PCNX2: variants seen among roughly 807,000 people sequenced by gnomAD.
PCNX2 encodes pecanex 2.
A neutral mutation model predicts 223.8 loss-of-function variants in PCNX2; 168 were observed. That is an observed-to-expected ratio of 0.75 (90% CI 0.66 to 0.85). The LOEUF (loss-of-function observed/expected upper bound fraction) is 0.85, where lower values mean the gene tolerates loss of function less well. Ranked by LOEUF, PCNX2 falls within the 40% of genes least tolerant of loss-of-function variation. PCNX2 has a pLI of 0.00. For missense variants in PCNX2, 2,507 were observed against 2,675.5 expected (o/e 0.94, Z 1.39); for synonymous variants, 1,006 against 1,052.6 (o/e 0.96, Z 0.86).
intron 15 of PCNX2, among the ~76,000 whole-genome samples, chr1:233,192,723 T>A (rs1680490391): frequency 6.6e-6 from 1 of 152,040 alleles, no homozygotes; most frequent in Admixed American, 6.5e-5. Flanking sequence ...CAAACTGCAA[T>A]TTATCAGTAG....
intron 32 of PCNX2, among the ~76,000 whole-genome samples, chr1:232,992,295 G>A (rs1258604680): frequency 6.6e-6 from 1 of 152,210 alleles, no homozygotes; most frequent in Non-Finnish European, 1.5e-5. Flanking sequence ...CCTGACCACA[G>A]TGAGAAAGTA....
At chr1:233,280,012 T>C (rs974796697) in intron 1 of PCNX2, among the ~76,000 whole-genome samples, 1 of 152,216 alleles carries the variant, frequency 6.6e-6, no homozygotes, top group Non-Finnish European at 1.5e-5. Context: ...ATTGCAGGTA[T>C]GCTTCATCTT....
chr1:233,113,832 T>C (rs1675256525), intron 21 of PCNX2, among the ~76,000 whole-genome samples: 1 of 152,254 alleles, frequency 6.6e-6, no homozygotes, highest in Admixed American at 6.5e-5. Flanking sequence ...CAAACCAGTC[T>C]TTACTCCTGA....
chr1:233,081,538 A>T (rs932123908), intron 23 of PCNX2, among the ~76,000 whole-genome samples: 7 of 152,082 alleles, frequency 4.6e-5, no homozygotes, highest in Admixed American at 1.3e-4. Flanking sequence ...GGGGCCATGG[A>T]GAAGCATCAG....
intron 21 of PCNX2, among the ~76,000 whole-genome samples, chr1:233,101,111 C>G (rs1674464277): frequency 6.6e-6 from 1 of 152,114 alleles, no homozygotes; most frequent in African/African-American, 2.4e-5. Flanking sequence ...TGGAGGTTCA[C>G]AGGGAACCAC....
At chr1:233,082,558 T>C (rs1361608262) in intron 23 of PCNX2, among the ~76,000 whole-genome samples, 2 of 152,180 alleles carry the variant, frequency 1.3e-5, no homozygotes, top group Non-Finnish European at 2.9e-5. Context: ...AGTCAATATA[T>C]GTAAATCCCT....
chr1:233,268,367 T>C (rs956864143), intron 1 of PCNX2, among the ~76,000 whole-genome samples: 3 of 152,146 alleles, frequency 2.0e-5, no homozygotes, highest in Admixed American at 1.3e-4. Context: ...GGATTAGCTA[T>C]AAGTAATGCC....
the PCNX2 span, among the ~76,000 whole-genome samples, chr1:233,313,728 A>G: frequency 9.8e-5 from 15 of 152,304 alleles, no homozygotes; most frequent in Admixed American, 5.2e-4. Flanking sequence ...AAGACCAACC[A>G]AAAATGGACA....
At chr1:233,022,420 T>C (rs1422954613) in intron 26 of PCNX2, among the ~76,000 whole-genome samples, 3 of 152,132 alleles carry the variant, frequency 2.0e-5, no homozygotes, top group Non-Finnish European at 4.4e-5. Flanking sequence ...GGGAGAGGAA[T>C]GCTGGGCATG....
In PCNX2 at chr1:233,139,624, T is replaced by C; in HGVS notation, c.3659+90A>G. On this transcript the variant is annotated intron_variant, in intron 20 of 33. Coordinates refer to ENST00000258229, the MANE Select transcript of PCNX2 (RefSeq NM_014801.4). The surrounding 1 kb of genome is among the most constrained non-coding windows in gnomAD (Gnocchi z 4.4). ...ATGGCCAATCACAGTCGGTAAAGGT[T>C]GGCTTCTTCTGCAGATTGTTTACAG... 1 of 1,424,650 alleles carries C rather than the reference T, an allele frequency of 7.0e-7. No homozygotes were observed. Among genetic ancestry groups the C allele is most frequent in the South Asian group, 1.4e-5 (1 of 72,920 alleles). The allele number at this position is 1,424,650 out of a possible 1,614,324, so 88.3% of individuals were successfully genotyped here. A position where few individuals can be genotyped will look rare whatever the true frequency, so the allele number is the denominator to read the frequency against.
At chr1:233,300,912 A>G in the PCNX2 span, among the ~76,000 whole-genome samples, 3 of 152,128 alleles carry the variant, frequency 2.0e-5, no homozygotes, top group African/African-American at 7.2e-5. Context: ...CTTTTAGTCC[A>G]TGGGCCCCCA....
intron 15 of PCNX2, among the ~76,000 whole-genome samples, chr1:233,180,372 C>G (rs886178203): frequency 6.6e-6 from 1 of 152,180 alleles, no homozygotes; most frequent in African/African-American, 2.4e-5. Flanking sequence ...CCCACACACA[C>G]CTGGTGCTCC....
At chr1:233,212,255 C>T (rs561998395) in intron 12 of PCNX2, among the ~76,000 whole-genome samples, 2 of 152,266 alleles carry the variant, frequency 1.3e-5, no homozygotes, top group East Asian at 3.9e-4. Flanking sequence ...TTATGATCCA[C>T]ACTTTGTATA....
chr1:233,129,445 C>T (rs1054502223), intron 21 of PCNX2, among the ~76,000 whole-genome samples: 3 of 152,226 alleles, frequency 2.0e-5, no homozygotes, highest in Admixed American at 1.3e-4. Context: ...AAGAGCGCTG[C>T]CCCCTTGCTC....
intron 25 of PCNX2, among the ~76,000 whole-genome samples, chr1:233,051,067 G>GA (rs959473632): frequency 2.0e-5 from 3 of 151,922 alleles, no homozygotes; most frequent in African/African-American, 7.2e-5. Flanking sequence ...ACTAACACAT[G>GA]AAAAAAATGC....
chr1:233,229,546 T>C (rs982369583), intron 9 of PCNX2, among the ~76,000 whole-genome samples: 3 of 152,168 alleles, frequency 2.0e-5, no homozygotes, highest in African/African-American at 7.2e-5. Context: ...CAGGAGCCCA[T>C]GGTTTACTGT....
Position 233,199,012 on chromosome 1 carries a change from G to C in PCNX2, c.2993C>G (p.Ser998Trp). 6.3e-7 allele frequency: 1 copy of C among 1,598,104 alleles called. No individual in the cohort carries two copies. The highest frequency in any genetic ancestry group is 8.5e-7 in the Non-Finnish European group (1 of 1,172,748). The change falls in exon 15 of 34, where the codon TCG (serine) becomes TGG (tryptophan). Residue 998 changes from serine (S) to tryptophan (W), a missense_variant. Physicochemically the swap from Ser to Trp is radical, Grantham distance 177. This residue lies in a region of PCNX2 where 1,372 missense variants were observed against 1,509.4 expected (regional missense o/e 0.91). Coordinates refer to ENST00000258229, the MANE Select transcript of PCNX2 (RefSeq NM_014801.4). ...GCTCCGGGCCACACTGTAAACAGCC[G>C]AGGTTATCCCAGACACAGCTGGAAC... The part of the protein sequence containing the change: ...FGGSAVSGIT[S>W]AVYSVARSVL...
At chr1:233,002,369 AAC>A (rs1670119070) in intron 28 of PCNX2, among the ~76,000 whole-genome samples, 1 of 152,156 alleles carries the variant, frequency 6.6e-6, no homozygotes, top group Non-Finnish European at 1.5e-5. Flanking sequence ...ATAATAGACA[AAC>A]AGAGAGCCAA....
the PCNX2 span, among the ~76,000 whole-genome samples, chr1:233,309,259 T>C: frequency 6.6e-6 from 1 of 152,182 alleles, no homozygotes; most frequent in Non-Finnish European, 1.5e-5. Context: ...ATTTGGAATA[T>C]GGCCGGGCGC....
Sources: allele counts gnomAD v4.1 joint callset (sites outside exome capture counted in the v4.1 genomes callset), GRCh38; gene constraint gnomAD v4.1.1; regional missense constraint gnomAD v4.1.1; non-coding constraint Gnocchi (gnomAD v3.1); transcripts MANE v1.5; gene names NCBI Gene and HGNC (gene_info 2026-07-23, HGNC 2026-07-21).